Variants in PYHIN1 observed in about 807,000 individuals in gnomAD.
The protein encoded by PYHIN1 is pyrin and HIN domain family member 1, also known as pyrin and HIN domain-containing protein 1.
Under a neutral mutation model 43.7 loss-of-function variants are expected in PYHIN1, and 32 were observed. The ratio of observed to expected loss-of-function variants is 0.73; its 90% CI spans 0.55 to 0.98. PYHIN1 has a LOEUF of 0.98. Ranked by LOEUF, PYHIN1 falls within the 50% of genes least tolerant of loss-of-function variation. The pLI is 0.00. For synonymous variants in PYHIN1, 205 were observed against 203.1 expected (o/e 1.01, Z -0.08); for missense variants, 588 against 589.5 (o/e 1.00, Z 0.03).
chr1:158,976,377 A>G (rs565836726), intron 8 of PYHIN1, among the ~76,000 whole-genome samples: 1 of 152,114 alleles, frequency 6.6e-6, no homozygotes, highest in African/African-American at 2.4e-5. Flanking sequence ...TTTCTGCCCA[A>G]TGAGAAGTTT....
chr1:158,937,944 C>CA (rs11444947), intron 2 of PYHIN1, among the ~76,000 whole-genome samples: 47,718 of 113,830 alleles, frequency 0.42, 8,770 homozygotes, highest in Non-Finnish European at 0.48. Context: ...GACTCCGTCT[C>CA]AAAAAAAAAA....
At chr1:158,952,998 A>C (rs565206612) in intron 7 of PYHIN1, among the ~76,000 whole-genome samples, 2 of 152,268 alleles carry the variant, frequency 1.3e-5, no homozygotes, top group East Asian at 3.9e-4. Flanking sequence ...TGATCGACGC[A>C]CCTGGAAAAT....
rs759455834 is a variant in PYHIN1, at chr1:158,944,942, A to G, written c.1259A>G (p.Gln420Arg). 9.3e-6 allele frequency: 15 copies of G among 1,613,760 alleles called. No individual in the cohort carries two copies. The highest frequency in any genetic ancestry group is 1.3e-5 in the Non-Finnish European group (15 of 1,179,848). Residue 420 changes from glutamine (Q) to arginine (R), a missense_variant, in exon 7 of 9, where the codon CAG becomes CGG. Transcript: ENST00000368140. ...ATGGCACTACCCCAGGAACAGAGTC[A>G]GCATCCAAAACCTTCAGAGGCCAGC... ...RSMALPQEQS[Q>R]HPKPSEASTT...
chr1:158,943,438 C>CT (rs1283716200), intron 5 of PYHIN1, among the ~76,000 whole-genome samples: 1 of 152,260 alleles, frequency 6.6e-6, no homozygotes, highest in South Asian at 2.1e-4. Context: ...GATGCCCATT[C>CT]TTTTTGCATA....
intron 7 of PYHIN1, among the ~76,000 whole-genome samples, chr1:158,946,734 T>G (rs1402907967): frequency 6.6e-6 from 1 of 152,190 alleles, no homozygotes; most frequent in Non-Finnish European, 1.5e-5. Flanking sequence ...TTTCTGTGTA[T>G]GCAGAAGAGG....
chr1:158,974,567 G>A (rs1651138442), intron 8 of PYHIN1, among the ~76,000 whole-genome samples: 1 of 152,012 alleles, frequency 6.6e-6, no homozygotes, highest in Admixed American at 6.6e-5. Context: ...TCTACAGTGA[G>A]AGGGAAGGTG....
Position 158,967,787 on chromosome 1 carries a change from C to T in PYHIN1, c.1360-5860C>T, listed in dbSNP as rs141136742. 5.2e-3 allele frequency among the ~76,000 whole-genome samples: 785 copies of T among 152,142 alleles called. 8 individuals carry two copies. Among genetic ancestry groups the T allele is most frequent in the Non-Finnish European group, 9.3e-3 (630 of 67,944 alleles). On this transcript the variant is annotated intron_variant, in intron 7 of 8. Coordinates refer to ENST00000368140, the MANE Select transcript of PYHIN1 (RefSeq NM_152501.5). ...CAGAATAGACAGCCCAGAAATAAGG[C>T]CGCCCACCTACAATCACTGGATCTT... is the stretch of plus-strand genomic sequence containing the variant.
chr1:158,938,643 T>C (rs1571722065), intron 3 of PYHIN1, 101 bp downstream of exon 3: 2 of 1,220,122 alleles, frequency 1.6e-6, no homozygotes, highest in East Asian at 4.9e-5. Context: ...TCTTCATATG[T>C]TTCCCATCAA....
intron 7 of PYHIN1, among the ~76,000 whole-genome samples, chr1:158,969,029 A>G (rs1391295746): frequency 6.6e-6 from 1 of 152,036 alleles, no homozygotes; most frequent in African/African-American, 2.4e-5. Flanking sequence ...AAACCTGCAC[A>G]TGTACCTCTG....
chr1:158,955,224 A>G (rs1436379774), intron 7 of PYHIN1, among the ~76,000 whole-genome samples: 2 of 152,172 alleles, frequency 1.3e-5, no homozygotes, highest in African/African-American at 4.8e-5. Flanking sequence ...ATACCCAGGA[A>G]TTGAACTCAG....
At chr1:158,979,161 G>A (rs562271736), downstream of PYHIN1, among the ~76,000 whole-genome samples, 2 of 152,268 alleles carry the variant, frequency 1.3e-5, no homozygotes, top group South Asian at 4.1e-4. Context: ...GATGATAAGA[G>A]CACGTGAGAT....
rs1258791690 is a variant in PYHIN1 at position 158,976,769 on chromosome 1, A to G, written c.*74A>G. 2.6e-6 allele frequency: 4 copies of G among 1,541,532 alleles called. No homozygotes were observed. The African/African-American group carries it at 5.5e-5, about 21-fold the overall frequency. ...ACTCAAGTGTGGAAATTTTGCCTGA[A>G]GTCCTCCACCTAAAAACCTGATGCC... is the stretch of plus-strand genomic sequence containing the variant. On this transcript the variant is annotated 3_prime_UTR_variant, in exon 9 of 9. Coordinates refer to ENST00000368140, the MANE Select transcript of PYHIN1 (RefSeq NM_152501.5).
chr1:158,937,730 A>T (rs1648642433), intron 2 of PYHIN1, among the ~76,000 whole-genome samples: 1 of 152,130 alleles, frequency 6.6e-6, no homozygotes, highest in Admixed American at 6.5e-5. Flanking sequence ...GTGGATCACG[A>T]GGTCAGGAGA....
At chr1:158,986,202 T>C in the PYHIN1 span, among the ~76,000 whole-genome samples, 1 of 152,222 alleles carries the variant, frequency 6.6e-6, no homozygotes, top group Non-Finnish European at 1.5e-5. Flanking sequence ...CCAGAGTTCT[T>C]GCACTGGTTC....
intron 7 of PYHIN1, among the ~76,000 whole-genome samples, chr1:158,958,219 T>C (rs368209719): frequency 2.8e-4 from 42 of 151,372 alleles, no homozygotes; most frequent in Middle Eastern, 3.4e-3. Context: ...GGATCTAGAA[T>C]TAGAAATACC....
intron 8 of PYHIN1, among the ~76,000 whole-genome samples, chr1:158,975,723 A>T (rs1338496175): frequency 6.6e-6 from 1 of 152,110 alleles, no homozygotes; most frequent in Non-Finnish European, 1.5e-5. Context: ...CCCACAGGAC[A>T]TCTAAGAATT....
rs574840503 is a variant in PYHIN1, at chr1:158,949,909, T to C, written c.1359+4867T>C. Among the ~76,000 whole-genome samples, 24 of 152,336 alleles carry C rather than the reference T, an allele frequency of 1.6e-4. No individual in the cohort carries two copies. The East Asian group carries it at 1.9e-3, about 12-fold the overall frequency. On this transcript the variant is annotated intron_variant, in intron 7 of 8. Coordinates refer to ENST00000368140, the MANE Select transcript of PYHIN1 (RefSeq NM_152501.5). ...GCAGCTAAGACTGTTAAGGCATTTCTTTTGCCATGATGTAGCCACAATTGG... is the reference window on the plus strand; with the variant it reads ...GCAGCTAAGACTGTTAAGGCATTTCCTTTGCCATGATGTAGCCACAATTGG...
At chr1:158,961,864 C>T (rs1026977575) in intron 7 of PYHIN1, among the ~76,000 whole-genome samples, 1 of 152,158 alleles carries the variant, frequency 6.6e-6, no homozygotes, top group African/African-American at 2.4e-5. Flanking sequence ...GGAGGTCAGG[C>T]TGCCTCACAG....
intron 4 of PYHIN1, among the ~76,000 whole-genome samples, chr1:158,940,895 G>T (rs550703707): frequency 2.6e-5 from 4 of 152,252 alleles, no homozygotes; most frequent in African/African-American, 9.6e-5. Context: ...ATCATACAAT[G>T]TAATGTCCTA....
Sources: gnomAD v4.1 joint callset for allele counts (sites outside exome capture counted in the v4.1 genomes callset) on GRCh38, gnomAD v4.1.1 for gene constraint, MANE v1.5 for transcripts, NCBI Gene and HGNC (gene_info 2026-07-23, HGNC 2026-07-21) for gene names.